The following KRTAP21-3 variants were observed in gnomAD, a reference collection of about 807,000 sequenced individuals.
KRTAP21-3 encodes the protein keratin-associated protein 21-3.
For missense variants in KRTAP21-3, 65 were observed against 70.3 expected, an observed-to-expected ratio of 0.92 and a Z score of 0.27; for synonymous variants, 22 against 23.4, an observed-to-expected ratio of 0.94 and a Z score of 0.17.
At position 30,718,573 on chromosome 21, in the gene KRTAP21-3, G is replaced by A; in HGVS notation, c.*10C>T. 6.6e-7 allele frequency: 1 copy of A among 1,511,678 alleles called. No individual in the cohort carries two copies. The highest frequency in any genetic ancestry group is 8.8e-7 in the Non-Finnish European group (1 of 1,130,078). The allele number at this position is 1,511,678 out of a possible 1,614,324, so 93.6% of individuals were successfully genotyped here. A position where few individuals can be genotyped will look rare whatever the true frequency, so the allele number is the denominator to read the frequency against. ...AACAGATCTTTGAGAAACTAAATAA[G>A]AAACAATGCTCAATGGCATTTCTTA... On this transcript the variant is annotated 3_prime_UTR_variant, in exon 1 of 1. Coordinates refer to ENST00000444335, the MANE Select transcript of KRTAP21-3 (RefSeq NM_001164435.1).
chr21:30,718,611 A>T lies in KRTAP21-3; in HGVS notation c.149T>A (p.Ile50Lys), dbSNP rs972407969. The T allele has an allele frequency of 5.2e-6, 8 of 1,533,664 alleles. No individual in the cohort carries two copies. The highest frequency in any genetic ancestry group is 1.4e-5 in the African/African-American group (1 of 71,986). ...ENKYSVIDDL[I>K]FFASKKCH ...ATGGCATTTCTTAGAAGCAAAAAATATCAGATCATCTATAACAGAATATTT... is the reference window on the plus strand; with the variant it reads ...ATGGCATTTCTTAGAAGCAAAAAATTTCAGATCATCTATAACAGAATATTT... The change falls in exon 1 of 1, where the codon ATA becomes AAA. Residue 50 changes from isoleucine to lysine, a missense_variant. By Grantham distance (102) the Ile-to-Lys change is moderately radical. Coordinates refer to ENST00000444335, the MANE Select transcript of KRTAP21-3 (RefSeq NM_001164435.1).
In KRTAP21-3 at chr21:30,718,707, T is replaced by C. The variant is rs1244242304; in HGVS notation, c.53A>G (p.Tyr18Cys). 3.9e-6 allele frequency: 6 copies of C among 1,545,284 alleles called. No homozygotes were observed. Among genetic ancestry groups the C allele is most frequent in the East Asian group, 2.5e-5 (1 of 40,494 alleles). ...GTGTATACAGCCATACCCACAACCA[T>C]AGCAAGAGCCAAATCCACAGCTCCC... is the stretch of plus-strand genomic sequence containing the variant. ...VCGSCGFGSC[Y>C]GCGYGCIHST... Residue 18 changes from tyrosine (Y) to cysteine (C), a missense_variant, in exon 1 of 1, where the codon TAT (tyrosine) becomes TGT (cysteine). Transcript: ENST00000444335.
rs182601896 is a variant in KRTAP21-3, at chr21:30,718,688, A to G, written c.72T>C (p.Cys24=). 1.4e-5 allele frequency: 22 copies of G among 1,548,296 alleles called. No homozygotes were observed. In the East Asian group the frequency reaches 5.4e-4, roughly 38 times the overall value. The change falls in exon 1 of 1, where the codon TGT becomes TGC. Residue 24 remains cysteine (C), a synonymous_variant. Transcript: ENST00000444335. ...TACAGCCACAGTGGGTGCTGTGTATACAGCCATACCCACAACCATAGCAAG... is the reference window on the plus strand; with the variant it reads ...TACAGCCACAGTGGGTGCTGTGTATGCAGCCATACCCACAACCATAGCAAG... ...FGSCYGCGYG[C]IHSTHCGCNG...
At position 30,718,609 on chromosome 21, in the gene KRTAP21-3, A is replaced by T; in HGVS notation, c.151T>A (p.Phe51Ile). The T allele has an allele frequency of 6.5e-7, 1 of 1,532,734 alleles. No homozygotes were observed. Among genetic ancestry groups the T allele is most frequent in the Non-Finnish European group, 8.8e-7 (1 of 1,140,612 alleles). The allele number at this position is 1,532,734 out of a possible 1,614,324, so 94.9% of individuals were successfully genotyped here. ...NKYSVIDDLI[F>I]FASKKCH is the part of the protein sequence containing the mutation. ...CAATGGCATTTCTTAGAAGCAAAAAATATCAGATCATCTATAACAGAATAT... is the reference window on the plus strand; with the variant it reads ...CAATGGCATTTCTTAGAAGCAAAAATTATCAGATCATCTATAACAGAATAT... The change falls in exon 1 of 1, where the codon TTT becomes ATT. Residue 51 changes from phenylalanine to isoleucine, a missense_variant. By Grantham distance (21) the Phe-to-Ile change is conservative (BLOSUM62 0). Transcript: ENST00000444335.
chr21:30,718,722 C>CCACA, the KRTAP21-3 span: 131 of 1,542,382 alleles, frequency 8.5e-5, no homozygotes, highest in Non-Finnish European at 1.1e-4. Flanking sequence ...AGAGCCAAAT[C>CCACA]CACAGCTCCC....
rs1982975001 is a variant in KRTAP21-3 at position 30,718,721 on chromosome 21, T to G, written c.39A>C (p.Gly13=). 6.5e-7 allele frequency: 1 copy of G among 1,543,242 alleles called. No homozygotes were observed. The highest frequency in any genetic ancestry group is 2.0e-5 in the Admixed American group (1 of 49,072). The change falls in exon 1 of 1, where the codon GGA becomes GGC. Residue 13 remains glycine (G), a synonymous_variant. Transcript: ENST00000444335. Reference sequence around the variant, plus strand: ...ACCCACAACCATAGCAAGAGCCAAATCCACAGCTCCCACACACACTTTTGT... The same window carrying G: ...ACCCACAACCATAGCAAGAGCCAAAGCCACAGCTCCCACACACACTTTTGT... ...FNYKSVCGSC[G]FGSCYGCGYG...
rs1982971281 is a variant in KRTAP21-3, at chr21:30,718,636, T to G, written c.124A>C (p.Lys42Gln). 1 of 1,548,740 alleles carries G rather than the reference T, an allele frequency of 6.5e-7. No individual in the cohort carries two copies. The highest frequency in any genetic ancestry group is 8.7e-7 in the Non-Finnish European group (1 of 1,146,042). The change falls in exon 1 of 1, where the codon AAA becomes CAA. Residue 42 changes from lysine (K) to glutamine (Q), a missense_variant. Physicochemically the swap from Lys to Gln is moderately conservative, Grantham distance 53. Coordinates refer to ENST00000444335, the MANE Select transcript of KRTAP21-3 (RefSeq NM_001164435.1). ...CNGYYGCYEN[K>Q]YSVIDDLIFF... ...ATCAGATCATCTATAACAGAATATT[T>G]ATTTTCATAACAACCATAATAACCG...
In KRTAP21-3 at chr21:30,718,670, A is replaced by C; in HGVS notation, c.90T>G (p.Cys30Trp). ...CGYGCIHSTH[C>W]GCNGYYGCYE... ...AACAACCATAATAACCGTTACAGCC[A>C]CAGTGGGTGCTGTGTATACAGCCAT... The change falls in exon 1 of 1, where the codon TGT becomes TGG. Residue 30 changes from cysteine (C) to tryptophan (W), a missense_variant. Cys to Trp is a radical substitution (Grantham distance 215). Coordinates refer to ENST00000444335, the MANE Select transcript of KRTAP21-3 (RefSeq NM_001164435.1). 3 of 1,549,760 alleles carry C rather than the reference A, an allele frequency of 1.9e-6. No homozygotes were observed. The highest frequency in any genetic ancestry group is 2.6e-6 in the Non-Finnish European group (3 of 1,146,256).
In KRTAP21-3 at chr21:30,718,773, G is replaced by A. The variant is rs1982977238; in HGVS notation, c.-14C>T. 4 of 1,496,344 alleles carry A rather than the reference G, an allele frequency of 2.7e-6. No individual in the cohort carries two copies. The highest frequency in any genetic ancestry group is 3.6e-6 in the Non-Finnish European group (4 of 1,125,808). The allele number at this position is 1,496,344 out of a possible 1,614,324, so 92.7% of individuals were successfully genotyped here. A position where few individuals can be genotyped will look rare whatever the true frequency, so the allele number is the denominator to read the frequency against. On this transcript the variant is annotated 5_prime_UTR_variant, in exon 1 of 1. Transcript: ENST00000444335. ...ATTGAAATACATAGTGTCAGGAGATGAGAATTCAGCCAGGTAACAGCATTT... is the reference window on the plus strand; with the variant it reads ...ATTGAAATACATAGTGTCAGGAGATAAGAATTCAGCCAGGTAACAGCATTT...
Position 30,718,581 on chromosome 21 carries a change from G to C in KRTAP21-3, c.*2C>G. The C allele has an allele frequency of 2.0e-6, 3 of 1,524,960 alleles. No individual in the cohort carries two copies. Among genetic ancestry groups the C allele is most frequent in the Non-Finnish European group, 2.6e-6 (3 of 1,134,970 alleles). 94.5% of individuals were successfully genotyped at this position (1,524,960 alleles called of 1,614,324 possible). On this transcript the variant is annotated 3_prime_UTR_variant, in exon 1 of 1. Transcript: ENST00000444335. ...TTTGAGAAACTAAATAAGAAACAAT[G>C]CTCAATGGCATTTCTTAGAAGCAAA...
In KRTAP21-3 at chr21:30,718,691, G is replaced by A. The variant is rs1310671574; in HGVS notation, c.69C>T (p.Gly23=). The change falls in exon 1 of 1, where the codon GGC becomes GGT. Residue 23 remains glycine, a synonymous_variant. Transcript: ENST00000444335. ...GFGSCYGCGY[G]CIHSTHCGCN... ...AGCCACAGTGGGTGCTGTGTATACA[G>A]CCATACCCACAACCATAGCAAGAGC... is the stretch of plus-strand genomic sequence containing the variant. 6 of 1,546,986 alleles carry A rather than the reference G, an allele frequency of 3.9e-6. No homozygotes were observed. The highest frequency in any genetic ancestry group is 3.6e-5 in the South Asian group (3 of 82,990).
rs1200365497 is a variant in KRTAP21-3, at chr21:30,718,623, A to G, written c.137T>C (p.Ile46Thr). 1.9e-6 allele frequency: 3 copies of G among 1,546,826 alleles called. No homozygotes were observed. The highest frequency in any genetic ancestry group is 2.5e-5 in the East Asian group (1 of 40,738). Residue 46 changes from isoleucine to threonine, a missense_variant, in exon 1 of 1, where the codon ATA becomes ACA. Ile to Thr is a moderately conservative substitution (Grantham distance 89). Transcript: ENST00000444335. ...AGAAGCAAAAAATATCAGATCATCT[A>G]TAACAGAATATTTATTTTCATAACA... Reference protein sequence around the residue: ...YGCYENKYSVIDDLIFFASKK... With the variant: ...YGCYENKYSVTDDLIFFASKK...
Position 30,718,772 on chromosome 21 carries a change from T to C in KRTAP21-3, c.-13A>G, listed in dbSNP as rs752609320. 2.0e-6 allele frequency: 3 copies of C among 1,496,264 alleles called. No homozygotes were observed. Among genetic ancestry groups the C allele is most frequent in the African/African-American group, 2.9e-5 (2 of 69,622 alleles). 92.7% of individuals were successfully genotyped at this position (1,496,264 alleles called of 1,614,324 possible). On this transcript the variant is annotated 5_prime_UTR_variant, in exon 1 of 1. Coordinates refer to ENST00000444335, the MANE Select transcript of KRTAP21-3 (RefSeq NM_001164435.1). Reference sequence around the variant, plus strand: ...AATTGAAATACATAGTGTCAGGAGATGAGAATTCAGCCAGGTAACAGCATT... The same window carrying C: ...AATTGAAATACATAGTGTCAGGAGACGAGAATTCAGCCAGGTAACAGCATT...
rs990318059 is a variant in KRTAP21-3 at position 30,718,666 on chromosome 21, A to G, written c.94T>C (p.Cys32Arg). The G allele has an allele frequency of 6.5e-7, 1 of 1,549,978 alleles. No homozygotes were observed. Among genetic ancestry groups the G allele is most frequent in the Non-Finnish European group, 8.7e-7 (1 of 1,146,382 alleles). ...YGCIHSTHCGCNGYYGCYENK... is the reference protein window; with the variant it reads ...YGCIHSTHCGRNGYYGCYENK... ...TCATAACAACCATAATAACCGTTAC[A>G]GCCACAGTGGGTGCTGTGTATACAG... is the stretch of plus-strand genomic sequence containing the variant. The change falls in exon 1 of 1, where the codon TGT (cysteine) becomes CGT (arginine). Residue 32 changes from cysteine (C) to arginine (R), a missense_variant. Cys to Arg is a radical substitution (Grantham distance 180). Coordinates refer to ENST00000444335, the MANE Select transcript of KRTAP21-3 (RefSeq NM_001164435.1).
At position 30,718,739 on chromosome 21, in the gene KRTAP21-3, A is replaced by G. The variant is rs1182751700; in HGVS notation, c.21T>C (p.Ser7=). Residue 7 remains serine (S), a synonymous_variant, in exon 1 of 1, where the codon AGT becomes AGC. Transcript: ENST00000444335. ...AGCCAAATCCACAGCTCCCACACAC[A>G]CTTTTGTAATTGAAATACATAGTGT... MYFNYK[S]VCGSCGFGSC... The G allele has an allele frequency of 3.3e-6, 5 of 1,534,818 alleles. No homozygotes were observed. The highest frequency in any genetic ancestry group is 4.4e-6 in the Non-Finnish European group (5 of 1,141,468).
rs1982969007 is a variant in KRTAP21-3, at chr21:30,718,566, T to G, written c.*17A>C. ...AAAGCAGAACAGATCTTTGAGAAAC[T>G]AAATAAGAAACAATGCTCAATGGCA... On this transcript the variant is annotated 3_prime_UTR_variant, in exon 1 of 1. Coordinates refer to ENST00000444335, the MANE Select transcript of KRTAP21-3 (RefSeq NM_001164435.1). The G allele has an allele frequency of 6.7e-7, 1 of 1,503,352 alleles. No individual in the cohort carries two copies. The highest frequency in any genetic ancestry group is 1.4e-5 in the African/African-American group (1 of 70,880). 93.1% of individuals were successfully genotyped at this position (1,503,352 alleles called of 1,614,324 possible).
In KRTAP21-3 at chr21:30,718,626, A is replaced by T; in HGVS notation, c.134T>A (p.Val45Asp). 6.5e-7 allele frequency: 1 copy of T among 1,547,574 alleles called. No individual in the cohort carries two copies. Among genetic ancestry groups the T allele is most frequent in the South Asian group, 1.2e-5 (1 of 82,862 alleles). ...YYGCYENKYS[V>D]IDDLIFFASK... ...AGCAAAAAATATCAGATCATCTATA[A>T]CAGAATATTTATTTTCATAACAACC... The change falls in exon 1 of 1, where the codon GTT (valine) becomes GAT (aspartate). Residue 45 changes from valine (V) to aspartate (D), a missense_variant. Transcript: ENST00000444335.
chr21:30,718,609 A>G lies in KRTAP21-3; in HGVS notation c.151T>C (p.Phe51Leu). The G allele has an allele frequency of 6.5e-7, 1 of 1,532,734 alleles. No homozygotes were observed. The highest frequency in any genetic ancestry group is 8.8e-7 in the Non-Finnish European group (1 of 1,140,612). The allele number at this position is 1,532,734 out of a possible 1,614,324, so 94.9% of individuals were successfully genotyped here. A position where few individuals can be genotyped will look rare whatever the true frequency, so the allele number is the denominator to read the frequency against. Residue 51 changes from phenylalanine (F) to leucine (L), a missense_variant, in exon 1 of 1, where the codon TTT becomes CTT. Physicochemically the swap from Phe to Leu is conservative, Grantham distance 22 (BLOSUM62 0). Transcript: ENST00000444335. ...NKYSVIDDLIFFASKKCH is the reference protein window; with the variant it reads ...NKYSVIDDLILFASKKCH ...CAATGGCATTTCTTAGAAGCAAAAAATATCAGATCATCTATAACAGAATAT... is the reference window on the plus strand; with the variant it reads ...CAATGGCATTTCTTAGAAGCAAAAAGTATCAGATCATCTATAACAGAATAT...
Position 30,718,643 on chromosome 21 carries a change from A to G in KRTAP21-3, c.117T>C (p.Tyr39=), listed in dbSNP as rs1982971364. The G allele has an allele frequency of 2.2e-5, 34 of 1,549,068 alleles. No homozygotes were observed. The highest frequency in any genetic ancestry group is 3.0e-5 in the Non-Finnish European group (34 of 1,146,216). The stretch of plus-strand genomic sequence containing the variant: ...CATCTATAACAGAATATTTATTTTC[A>G]TAACAACCATAATAACCGTTACAGC... The part of the protein sequence containing the change: ...HCGCNGYYGC[Y]ENKYSVIDDL... The change falls in exon 1 of 1, where the codon TAT becomes TAC. Residue 39 remains tyrosine, a synonymous_variant. Transcript: ENST00000444335.
Sources: allele counts gnomAD v4.1 joint callset, GRCh38; gene constraint gnomAD v4.1.1; transcripts MANE v1.5; gene names NCBI Gene and HGNC (gene_info 2026-07-23, HGNC 2026-07-21).